The following EPM2A variants were observed in gnomAD, a reference collection of about 807,000 sequenced individuals.
EPM2A encodes laforin.
EPM2A carries 21 observed loss-of-function variants against 26.5 expected under a neutral mutation model. The observed-to-expected ratio is 0.79, with a 90% CI of 0.56 to 1.14. EPM2A has a LOEUF of 1.14. EPM2A is among the 50% of genes most tolerant of loss of function. The probability of loss-of-function intolerance (pLI) is 0.00; values close to 1 mark genes in which losing one functional copy is unlikely to be tolerated. For synonymous variants in EPM2A, 217 were observed against 177.6 expected, an observed-to-expected ratio of 1.22 and a Z score of -1.76; for missense variants, 458 against 440.8, an observed-to-expected ratio of 1.04 and a Z score of -0.35.
At chr6:145,425,783 T>C in intron 4 of EPM2A, among the ~76,000 whole-genome samples, 1 of 152,206 alleles carries the variant, frequency 6.6e-6, no homozygotes, top group East Asian at 1.9e-4. Context: ...GGCTGTAAGG[T>C]AGCACTGTGT....
intron 2 of EPM2A, among the ~76,000 whole-genome samples, chr6:145,613,740 G>A (rs1026367484): frequency 1.3e-5 from 2 of 152,142 alleles, no homozygotes; most frequent in Non-Finnish European, 1.5e-5. Flanking sequence ...TGAGCAGTAG[G>A]TCTCAACACT....
chr6:145,434,645 A>C (rs1778965101), intron 4 of EPM2A, among the ~76,000 whole-genome samples: 1 of 152,176 alleles, frequency 6.6e-6, no homozygotes, highest in Non-Finnish European at 1.5e-5. Flanking sequence ...CATAAAATTC[A>C]CCATTTTAAA....
intron 2 of EPM2A, among the ~76,000 whole-genome samples, chr6:145,678,826 G>T (rs2128606995): frequency 6.6e-6 from 1 of 152,294 alleles, no homozygotes; most frequent in South Asian, 2.1e-4. Context: ...TTCAACCATT[G>T]TGGAAGACAG....
intron 2 of EPM2A, among the ~76,000 whole-genome samples, chr6:145,659,842 A>G (rs528001349): frequency 2.0e-5 from 3 of 152,312 alleles, no homozygotes; most frequent in Admixed American, 2.0e-4. Context: ...CTGTGTTCAG[A>G]TAGGCTAAAT....
At chr6:145,389,773 C>T (rs989268449) in intron 4 of EPM2A, among the ~76,000 whole-genome samples, 6 of 152,086 alleles carry the variant, frequency 3.9e-5, no homozygotes, top group African/African-American at 1.4e-4. Flanking sequence ...AGTAATTTCT[C>T]CATCCTTGAG....
At chr6:145,690,888 G>A (rs1243357005) in intron 1 of EPM2A, among the ~76,000 whole-genome samples, 1 of 151,650 alleles carries the variant, frequency 6.6e-6, no homozygotes, top group Non-Finnish European at 1.5e-5. Flanking sequence ...CAATATGGAA[G>A]GGACAGAGGA....
intron 1 of EPM2A, among the ~76,000 whole-genome samples, chr6:145,718,610 T>C (rs577825843): frequency 2.3e-4 from 35 of 152,190 alleles, no homozygotes; most frequent in African/African-American, 8.2e-4. Flanking sequence ...AAAGCCAAAA[T>C]TGACAAATGG....
At chr6:145,660,645 TATAAAAATTA>T (rs1778628131) in intron 2 of EPM2A, among the ~76,000 whole-genome samples, 1 of 151,774 alleles carries the variant, frequency 6.6e-6, no homozygotes, top group African/African-American at 2.4e-5. Context: ...CCACTAAAAA[TATAAAAATTA>T]GCTGGGCATG....
chr6:145,591,168 TAA>T (rs1023881310), intron 2 of EPM2A, among the ~76,000 whole-genome samples: 16 of 151,640 alleles, frequency 1.1e-4, no homozygotes, highest in African/African-American at 3.9e-4. Context: ...ATGCAAAGAT[TAA>T]AAGAATAAAA....
At chr6:145,428,055 CCTAT>C (rs541897062) in intron 4 of EPM2A, among the ~76,000 whole-genome samples, 7 of 144,120 alleles carry the variant, frequency 4.9e-5, no homozygotes, top group Admixed American at 1.4e-4. Flanking sequence ...TTTCTTTTTT[CCTAT>C]CTTTTTGTGT....
chr6:145,703,180 C>T (rs925388030), intron 1 of EPM2A, among the ~76,000 whole-genome samples: 2 of 151,780 alleles, frequency 1.3e-5, no homozygotes, highest in East Asian at 3.9e-4. Flanking sequence ...CAAGCTCTGC[C>T]TCCTGGGTTC....
chr6:145,520,749 C>T (rs958356722), intron 2 of EPM2A, among the ~76,000 whole-genome samples: 1 of 151,920 alleles, frequency 6.6e-6, no homozygotes, highest in African/African-American at 2.4e-5. Context: ...TAAAGGACTC[C>T]AGGAAAAATA....
chr6:145,619,870 A>G (rs2128553631), intron 2 of EPM2A, among the ~76,000 whole-genome samples: 1 of 152,346 alleles, frequency 6.6e-6, no homozygotes, highest in East Asian at 1.9e-4. Context: ...ACATAATTAT[A>G]AAAAATAAAA....
intron 4 of EPM2A, among the ~76,000 whole-genome samples, chr6:145,390,587 T>TCTCTCTCTCTCTC (rs1562317071): frequency 1.1e-5 from 1 of 92,292 alleles, no homozygotes; most frequent in Non-Finnish European, 2.6e-5. Flanking sequence ...CTCTCTCTCT[T>TCTCTCTCTCTCTC]TCTTTCTCTC....
chr6:145,551,051 G>A (rs1240976667), intron 2 of EPM2A, among the ~76,000 whole-genome samples: 1 of 152,028 alleles, frequency 6.6e-6, no homozygotes, highest in Non-Finnish European at 1.5e-5. Flanking sequence ...TTCCATGTGT[G>A]AGAGACTTCA....
chr6:145,585,079 A>G (rs1781170707), intron 2 of EPM2A, among the ~76,000 whole-genome samples: 1 of 152,192 alleles, frequency 6.6e-6, no homozygotes, highest in African/African-American at 2.4e-5. Flanking sequence ...ATATTCCAAC[A>G]TTCTTTTCAT....
intron 2 of EPM2A, among the ~76,000 whole-genome samples, chr6:145,551,124 T>A (rs1245094479): frequency 1.3e-5 from 2 of 152,110 alleles, no homozygotes; most frequent in African/African-American, 2.4e-5. Context: ...AAAATTTGAT[T>A]TTGATTTCTG....
chr6:145,537,680 A>G (rs1162497668), intron 2 of EPM2A, among the ~76,000 whole-genome samples: 1 of 149,684 alleles, frequency 6.7e-6, no homozygotes, highest in South Asian at 2.1e-4. Context: ...GTTTTGCTGC[A>G]CCTATCAACC....
At chr6:145,665,692 C>T (rs1779123545) in intron 2 of EPM2A, among the ~76,000 whole-genome samples, 1 of 142,390 alleles carries the variant, frequency 7.0e-6, no homozygotes, top group Non-Finnish European at 1.5e-5. Context: ...GATACCAAAG[C>T]CAGGCAGAGA....
Sources: gnomAD v4.1 joint callset for allele counts (sites outside exome capture counted in the v4.1 genomes callset) on GRCh38, gnomAD v4.1.1 for gene constraint, MANE v1.5 for transcripts, NCBI Gene and HGNC (gene_info 2026-07-23, HGNC 2026-07-21) for gene names.